Variants in EPB41L4A observed in about 807,000 individuals in gnomAD.
EPB41L4A encodes the protein erythrocyte membrane protein band 4.1 like 4A, also known as band 4.1-like protein 4A.
Under a neutral mutation model 108.6 loss-of-function variants are expected in EPB41L4A, and 100 were observed. The ratio of observed to expected loss-of-function variants is 0.92; its 90% CI spans 0.78 to 1.09. The LOEUF is 1.09. EPB41L4A is among the 50% of genes least tolerant of loss of function. EPB41L4A has a pLI of 0.00. For missense variants in EPB41L4A, 1,030 were observed against 842.7 expected (o/e 1.22, Z -2.75); for synonymous variants, 319 against 289.0 (o/e 1.10, Z -1.05).
intron 18 of EPB41L4A, among the ~76,000 whole-genome samples, chr5:112,172,356 C>CA (rs1337703322): frequency 6.6e-6 from 1 of 151,794 alleles, no homozygotes; most frequent in African/African-American, 2.4e-5. Context: ...ACTAAAAATA[C>CA]AAAAAATTAG....
At chr5:112,308,359 C>G (rs1052128337) in intron 1 of EPB41L4A, among the ~76,000 whole-genome samples, 1 of 152,078 alleles carries the variant, frequency 6.6e-6, no homozygotes, top group South Asian at 2.1e-4. Context: ...TGCCAGGATG[C>G]GTTTATCCAC....
chr5:112,147,972 G>C (rs943746554), intron 12 of EPB41L4A, among the ~76,000 whole-genome samples: 1 of 150,670 alleles, frequency 6.6e-6, no homozygotes, highest in Admixed American at 6.6e-5. Context: ...CCAGGAGGTG[G>C]AGGCTGCAGT....
chr5:112,383,961 T>C (rs1760333223), intron 1 of EPB41L4A, among the ~76,000 whole-genome samples: 1 of 152,186 alleles, frequency 6.6e-6, no homozygotes, highest in African/African-American at 2.4e-5. Flanking sequence ...CTGATACCTA[T>C]TATATTAAAA....
At chr5:112,160,629 C>A (rs1281461764), downstream of EPB41L4A, 1 of 153,158 alleles carries the variant, frequency 6.5e-6, no homozygotes, top group Non-Finnish European at 1.5e-5. Context: ...TGTCTGGATA[C>A]CTCCTCTGTG....
In EPB41L4A at chr5:112,239,680, T is replaced by C. The variant is rs1290934464; in HGVS notation, c.945A>G (p.Ile315Met). ...TTTACCTGTAGCGGTGCTTATAACG[T>C]ATGGATCCAAACTTGCTGAGTTTTC... ...LSRKLSKFGS[I>M]RYKHRYSGRT... Residue 315 changes from isoleucine to methionine, a missense_variant, in exon 11 of 23, where the codon ATA becomes ATG. By Grantham distance (10) the Ile-to-Met change is conservative. Coordinates refer to ENST00000261486, the MANE Select transcript of EPB41L4A (RefSeq NM_022140.5). 1 of 1,607,790 alleles carries C rather than the reference T, an allele frequency of 6.2e-7. No individual in the cohort carries two copies. The highest frequency in any genetic ancestry group is 1.7e-5 in the Admixed American group (1 of 58,806).
At chr5:112,343,961 CAAG>C (rs1272693189) in intron 1 of EPB41L4A, among the ~76,000 whole-genome samples, 1 of 152,148 alleles carries the variant, frequency 6.6e-6, no homozygotes, top group Non-Finnish European at 1.5e-5. Flanking sequence ...GAGGCCAAAA[CAAG>C]AAGATTGCTT....
At chr5:112,396,429 A>G (rs1473174452) in intron 1 of EPB41L4A, among the ~76,000 whole-genome samples, 1 of 150,040 alleles carries the variant, frequency 6.7e-6, no homozygotes, top group Middle Eastern at 3.4e-3. Context: ...GGACAACTAC[A>G]TGGCACTACT....
At chr5:112,319,865 A>C (rs1228909398) in intron 1 of EPB41L4A, among the ~76,000 whole-genome samples, 1 of 152,166 alleles carries the variant, frequency 6.6e-6, no homozygotes, top group African/African-American at 2.4e-5. Context: ...ATGATGATGT[A>C]CTAGAGGATC....
At chr5:112,322,151 T>C (rs1472544004) in intron 1 of EPB41L4A, among the ~76,000 whole-genome samples, 4 of 152,236 alleles carry the variant, frequency 2.6e-5, no homozygotes, top group African/African-American at 9.6e-5. Flanking sequence ...TATTTGTGTG[T>C]GGCAGGCACT....
Position 112,383,902 on chromosome 5 carries a change from G to C in EPB41L4A, c.99+35039C>G, listed in dbSNP as rs1432877494. Among the ~76,000 whole-genome samples, 16 of 152,108 alleles carry C rather than the reference G, an allele frequency of 1.1e-4. 1 individual carries two copies. The East Asian group carries it at 2.9e-3, about 27-fold the overall frequency. ...TATATCTCAAGATAAATTCTAGATA[G>C]GTTAAAAGTTAAGTGTAAAAAAATA... On this transcript the variant is annotated intron_variant, in intron 1 of 22. Coordinates refer to ENST00000261486, the MANE Select transcript of EPB41L4A (RefSeq NM_022140.5).
chr5:112,159,313 G>A (rs897691934), downstream of EPB41L4A, among the ~76,000 whole-genome samples: 2 of 152,116 alleles, frequency 1.3e-5, no homozygotes, highest in Non-Finnish European at 2.9e-5. Flanking sequence ...AAGAAACAAC[G>A]AAAGGTGCTA....
At chr5:112,381,110 A>G (rs1760149944) in intron 1 of EPB41L4A, among the ~76,000 whole-genome samples, 1 of 152,228 alleles carries the variant, frequency 6.6e-6, no homozygotes, top group Non-Finnish European at 1.5e-5. Context: ...GTAAAAATGC[A>G]TGAACAGTTA....
chr5:112,382,959 C>T (rs1189056501), intron 1 of EPB41L4A, among the ~76,000 whole-genome samples: 2 of 152,108 alleles, frequency 1.3e-5, no homozygotes, highest in Non-Finnish European at 2.9e-5. Context: ...AAAAATGCTT[C>T]GGAGCAAACA....
rs990581654 is a variant in EPB41L4A at position 112,336,486 on chromosome 5, G to A, written c.100-28996C>T. Among the ~76,000 whole-genome samples, 4 of 152,130 alleles carry A rather than the reference G, an allele frequency of 2.6e-5. 1 individual carries two copies. The highest frequency in any genetic ancestry group is 2.0e-4 in the Admixed American group (3 of 15,272). ...AACCCCTTTAAAAGGCTTCAAAGTG[G>A]GGTGATTCTTTACCCTGTACACATT... On this transcript the variant is annotated intron_variant, in intron 1 of 22. Transcript: ENST00000261486.
intron 2 of EPB41L4A, among the ~76,000 whole-genome samples, chr5:112,299,303 G>C (rs954008522): frequency 1.3e-5 from 2 of 152,092 alleles, no homozygotes; most frequent in Non-Finnish European, 2.9e-5. Flanking sequence ...TTTCCTCTTA[G>C]CACTGCCTTT....
chr5:112,267,540 T>A (rs1470820268), intron 4 of EPB41L4A, among the ~76,000 whole-genome samples: 1 of 152,200 alleles, frequency 6.6e-6, no homozygotes, highest in Non-Finnish European at 1.5e-5. Flanking sequence ...CCTTCAGATG[T>A]CCACGTAAAA....
At chr5:112,147,798 G>T (rs902917106) in intron 12 of EPB41L4A, among the ~76,000 whole-genome samples, 2 of 151,896 alleles carry the variant, frequency 1.3e-5, no homozygotes, top group Admixed American at 6.6e-5. Flanking sequence ...CAGGCCTAGC[G>T]CGGTGGCTCA....
intron 1 of EPB41L4A, among the ~76,000 whole-genome samples, chr5:112,339,661 G>C (rs1404410777): frequency 1.3e-5 from 2 of 151,474 alleles, no homozygotes; most frequent in Non-Finnish European, 2.9e-5. Flanking sequence ...AGCCTCCTGA[G>C]TACCTGGGAT....
At chr5:112,362,288 T>TG (rs1263281091) in intron 1 of EPB41L4A, among the ~76,000 whole-genome samples, 9 of 150,770 alleles carry the variant, frequency 6.0e-5, no homozygotes, top group Admixed American at 3.3e-4. Flanking sequence ...TAATGTTTTT[T>TG]TTTTTTTTTT....
Sources: gnomAD v4.1 joint callset for allele counts (sites outside exome capture counted in the v4.1 genomes callset) on GRCh38, gnomAD v4.1.1 for gene constraint, MANE v1.5 for transcripts, NCBI Gene and HGNC (gene_info 2026-07-23, HGNC 2026-07-21) for gene names.